Variants in MAP3K8 observed in about 807,000 individuals in gnomAD.
MAP3K8 encodes the protein Ewing sarcoma transformant.
A neutral mutation model predicts 45.8 loss-of-function variants in MAP3K8; 22 were observed. The ratio of observed to expected loss-of-function variants is 0.48; its 90% CI spans 0.34 to 0.69. The LOEUF (loss-of-function observed/expected upper bound fraction) is 0.69. Among genes scored for constraint, MAP3K8 ranks in the 30% least tolerant of loss-of-function variants. The pLI is 0.01. For synonymous variants in MAP3K8, 223 were observed against 214.3 expected (o/e 1.04, Z -0.36); for missense variants, 419 against 585.0 (o/e 0.72, Z 2.93).
chr10:30,438,684 C>T (rs1835992056), intron 2 of MAP3K8: 2 of 367,568 alleles, frequency 5.4e-6, no homozygotes, highest in African/African-American at 2.0e-5. Flanking sequence ...TAAGAGTAAG[C>T]TCTCTGGATC....
At chr10:30,456,548 T>C (rs1836733361) in intron 6 of MAP3K8, among the ~76,000 whole-genome samples, 1 of 152,124 alleles carries the variant, frequency 6.6e-6, no homozygotes, top group African/African-American at 2.4e-5. Context: ...TGACCTCCAT[T>C]CTCTTATTCA....
At chr10:30,442,938 A>G (rs1836163372) in intron 3 of MAP3K8, among the ~76,000 whole-genome samples, 2 of 152,196 alleles carry the variant, frequency 1.3e-5, no homozygotes, top group Non-Finnish European at 2.9e-5. Flanking sequence ...AATTGGTAGA[A>G]CATTTTGGTA....
chr10:30,457,930 G>A (rs1389727376), intron 6 of MAP3K8, among the ~76,000 whole-genome samples, 154 bp from the exon 7 acceptor site: 2 of 152,136 alleles, frequency 1.3e-5, no homozygotes, highest in Non-Finnish European at 1.5e-5. Context: ...AGACTGCAGG[G>A]ACACCTCCAG....
chr10:30,454,257 C>T (rs1430081572), intron 6 of MAP3K8, among the ~76,000 whole-genome samples: 2 of 152,102 alleles, frequency 1.3e-5, no homozygotes, highest in East Asian at 1.9e-4. Context: ...CAGATGACAA[C>T]CCTTAGTCTA....
At chr10:30,440,046 T>C (rs1470029247) in intron 3 of MAP3K8, among the ~76,000 whole-genome samples, 1 of 152,234 alleles carries the variant, frequency 6.6e-6, no homozygotes, top group African/African-American at 2.4e-5. Context: ...ATCCACAGAT[T>C]CACTCTCTTT....
chr10:30,438,117 T>G (rs1588763577), intron 2 of MAP3K8, among the ~76,000 whole-genome samples: 2 of 152,366 alleles, frequency 1.3e-5, no homozygotes, highest in East Asian at 3.9e-4. Flanking sequence ...TCCTGGCTTC[T>G]TTCTACTACT....
chr10:30,455,015 T>C (rs184322895), intron 6 of MAP3K8, among the ~76,000 whole-genome samples: 17 of 152,280 alleles, frequency 1.1e-4, no homozygotes, highest in Admixed American at 7.2e-4. Context: ...TTTTGCAACA[T>C]TGGAGAAAGA....
At chr10:30,438,057 C>G (rs187657563) in intron 2 of MAP3K8, among the ~76,000 whole-genome samples, 153 of 152,290 alleles carry the variant, frequency 1.0e-3, no homozygotes, top group Admixed American at 3.7e-3. Context: ...AGCTGAAATG[C>G]AATTTTGGTT....
At chr10:30,448,424 T>TTATTAC (rs1836420596) in intron 4 of MAP3K8, among the ~76,000 whole-genome samples, 1 of 148,422 alleles carries the variant, frequency 6.7e-6, no homozygotes, top group Non-Finnish European at 1.5e-5. Context: ...TTTATTATTA[T>TTATTAC]TATTATTATT....
intron 4 of MAP3K8, among the ~76,000 whole-genome samples, chr10:30,449,347 C>G (rs941748779): frequency 1.3e-5 from 2 of 152,138 alleles, no homozygotes; most frequent in Non-Finnish European, 2.9e-5. Context: ...CGGGTTCAAG[C>G]GATTCTTCTG....
intron 6 of MAP3K8, among the ~76,000 whole-genome samples, chr10:30,452,081 C>T (rs1836559807): frequency 6.6e-6 from 1 of 152,096 alleles, no homozygotes; most frequent in South Asian, 2.1e-4. Flanking sequence ...TGCCTGTAAT[C>T]CCAGTGCTTT....
chr10:30,460,172 C>T (rs910555589), intron 8 of MAP3K8, among the ~76,000 whole-genome samples: 2 of 152,104 alleles, frequency 1.3e-5, no homozygotes, highest in African/African-American at 4.8e-5. Context: ...CACCCCAGTC[C>T]TTGGTGGGGG....
At chr10:30,438,544 G>T (rs183658682) in intron 2 of MAP3K8, among the ~76,000 whole-genome samples, 1 of 152,222 alleles carries the variant, frequency 6.6e-6, no homozygotes. Context: ...GCTGGGTTGT[G>T]TAAGGTTGGA....
Position 30,434,324 on chromosome 10 carries a change from C to T in MAP3K8, c.-309C>T, listed in dbSNP as rs978537403. On this transcript the variant is annotated 5_prime_UTR_variant, in exon 1 of 9. Coordinates refer to ENST00000263056, the MANE Select transcript of MAP3K8 (RefSeq NM_005204.4). ...GCCTGCAGCCAGCATCGCACCGAAC[C>T]TTCGGGGGGCCGCGGCTGGAGCGCT... The T allele has an allele frequency of 2.3e-6, 1 of 432,032 alleles. No individual in the cohort carries two copies. Among genetic ancestry groups the T allele is most frequent in the Middle Eastern group, 1.2e-3 (1 of 830 alleles). The allele number at this position is 432,032 out of a possible 1,614,324, so 26.8% of individuals were successfully genotyped here.
chr10:30,434,869 G>GT (rs1835863796), intron 1 of MAP3K8: 1 of 790,340 alleles, frequency 1.3e-6, no homozygotes, highest in Admixed American at 6.2e-5. Flanking sequence ...GGGAGTGTGG[G>GT]TTGGCGGAGC....
rs1257371069 is a variant in MAP3K8 at position 30,458,176 on chromosome 10, G to C, written c.966G>C (p.Thr322=). Residue 322 remains threonine (T), a synonymous_variant, in exon 7 of 9, where the codon ACG becomes ACC. Transcript: ENST00000263056. ...GGGCCACGCTCATCCACATGCAGACGGGCACCCCACCCTGGGTGAAGCGCT... is the reference window on the plus strand; with the variant it reads ...GGGCCACGCTCATCCACATGCAGACCGGCACCCCACCCTGGGTGAAGCGCT... ...SLGATLIHMQ[T]GTPPWVKRYP... is the part of the protein sequence containing the mutation. 2 of 1,586,770 alleles carry C rather than the reference G, an allele frequency of 1.3e-6. No homozygotes were observed. Among genetic ancestry groups the C allele is most frequent in the South Asian group, 1.1e-5 (1 of 87,608 alleles).
intron 6 of MAP3K8, among the ~76,000 whole-genome samples, chr10:30,455,005 T>C (rs933612946): frequency 8.5e-5 from 13 of 152,170 alleles, no homozygotes; most frequent in African/African-American, 2.4e-4. Context: ...AAGTTGAACA[T>C]TTTGCAACAT....
At chr10:30,448,318 A>G (rs1836413371) in intron 4 of MAP3K8, among the ~76,000 whole-genome samples, 1 of 152,120 alleles carries the variant, frequency 6.6e-6, no homozygotes, top group Non-Finnish European at 1.5e-5. Context: ...GGGGCCAGGC[A>G]GAGGCAGAAA....
intron 3 of MAP3K8, among the ~76,000 whole-genome samples, chr10:30,446,534 C>CAAA (rs5784199): frequency 1.8e-4 from 16 of 89,130 alleles, no homozygotes; most frequent in Non-Finnish European, 1.9e-4. Flanking sequence ...GACTCCATCT[C>CAAA]AAAAAAAAAA....
Sources: allele counts gnomAD v4.1 joint callset (sites outside exome capture counted in the v4.1 genomes callset), GRCh38; gene constraint gnomAD v4.1.1; transcripts MANE v1.5; gene names NCBI Gene and HGNC (gene_info 2026-07-23, HGNC 2026-07-21).